The following ZNF407 variants were observed in gnomAD, a reference collection of about 807,000 sequenced individuals.
ZNF407 encodes zinc finger protein 407.
Under a neutral mutation model 131.2 loss-of-function variants are expected in ZNF407, and 17 were observed. That is an observed-to-expected ratio of 0.13 (90% CI 0.09 to 0.19). ZNF407 has a LOEUF of 0.19. Ranked by LOEUF, ZNF407 falls within the 10% of genes least tolerant of loss-of-function variation. The pLI, the probability that ZNF407 is intolerant of heterozygous loss-of-function variation, is 1.00. For missense variants in ZNF407, 2,681 were observed against 2,830.6 expected, an observed-to-expected ratio of 0.95 and a Z score of 1.20; for synonymous variants, 1,156 against 1,062.0, an observed-to-expected ratio of 1.09 and a Z score of -1.72.
At chr18:74,962,613 A>G (rs938773008) in intron 8 of ZNF407, among the ~76,000 whole-genome samples, 11 of 152,192 alleles carry the variant, frequency 7.2e-5, no homozygotes, top group African/African-American at 2.7e-4. Context: ...TATACGCCAA[A>G]TATGCCATGC....
At chr18:74,934,468 G>A (rs1292026586) in intron 8 of ZNF407, among the ~76,000 whole-genome samples, 1 of 152,132 alleles carries the variant, frequency 6.6e-6, no homozygotes, top group Non-Finnish European at 1.5e-5. Flanking sequence ...AAACAACATC[G>A]CAAGCTAAAT....
intron 3 of ZNF407, among the ~76,000 whole-genome samples, chr18:74,734,648 AT>A (rs1262351484): frequency 6.6e-6 from 1 of 150,566 alleles, no homozygotes; most frequent in Non-Finnish European, 1.5e-5. Context: ...ATTTTTTAAA[AT>A]TATACCATTT....
At chr18:74,662,011 G>T (rs1471451770) in intron 3 of ZNF407, among the ~76,000 whole-genome samples, 1 of 151,868 alleles carries the variant, frequency 6.6e-6, no homozygotes, top group Non-Finnish European at 1.5e-5. Flanking sequence ...CCTGCCATGC[G>T]GTGTCTGTGC....
chr18:74,971,710 T>G (rs1599271357), intron 8 of ZNF407, among the ~76,000 whole-genome samples: 1 of 152,218 alleles, frequency 6.6e-6, no homozygotes. Flanking sequence ...TTTCCCGTCT[T>G]TTTCTGAGCT....
chr18:74,660,166 T>A (rs1985650889), intron 3 of ZNF407, among the ~76,000 whole-genome samples: 1 of 152,090 alleles, frequency 6.6e-6, no homozygotes, highest in African/African-American at 2.4e-5. Context: ...CATCTGATGA[T>A]TTGCATATGG....
At chr18:74,969,239 A>G (rs886637329) in intron 8 of ZNF407, among the ~76,000 whole-genome samples, 1 of 152,162 alleles carries the variant, frequency 6.6e-6, no homozygotes, top group African/African-American at 2.4e-5. Flanking sequence ...GGCTTTCTCC[A>G]GCATCTGATT....
In ZNF407 at chr18:75,005,788, TAAGG is replaced by T. The variant is rs1420392044; in HGVS notation, c.5429-57358_5429-57355del. ...AGTATCCTTCAGTAAGCTGGAAACT[TAAGG>T]AAGTATCAAATCCCCACCCTCCTGG... On this transcript the variant is annotated intron_variant, in intron 8 of 8. Coordinates refer to ENST00000299687, the MANE Select transcript of ZNF407 (RefSeq NM_017757.3). Among the ~76,000 whole-genome samples, 937 of 142,356 alleles carry T rather than the reference TAAGG, an allele frequency of 6.6e-3. 36 individuals are homozygous for T. The East Asian group carries it at 0.13, about 19-fold the overall frequency. 93.4% of individuals were successfully genotyped at this position (142,356 alleles called of 152,430 possible). A position where few individuals can be genotyped will look rare whatever the true frequency, so the allele number is the denominator to read the frequency against.
At chr18:74,896,323 A>C (rs1444065424) in intron 7 of ZNF407, among the ~76,000 whole-genome samples, 1 of 152,218 alleles carries the variant, frequency 6.6e-6, no homozygotes, top group African/African-American at 2.4e-5. Context: ...CCTCAAGTCT[A>C]TATGTCTTTA....
At chr18:74,908,550 C>T (rs1971626425) in intron 7 of ZNF407, among the ~76,000 whole-genome samples, 1 of 152,140 alleles carries the variant, frequency 6.6e-6, no homozygotes, top group African/African-American at 2.4e-5. Context: ...CTCCAAATGA[C>T]ATGCATCTAT....
At chr18:74,887,433 A>C (rs1469297001) in intron 6 of ZNF407, among the ~76,000 whole-genome samples, 1 of 152,140 alleles carries the variant, frequency 6.6e-6, no homozygotes, top group Non-Finnish European at 1.5e-5. Context: ...TCAGATTTTT[A>C]CTCTGCTTGG....
intron 3 of ZNF407, among the ~76,000 whole-genome samples, chr18:74,735,122 G>T (rs182293639): frequency 1.3e-4 from 20 of 152,254 alleles, no homozygotes; most frequent in African/African-American, 4.6e-4. Context: ...TAAAACAATT[G>T]TATTGAAGGA....
chr18:74,758,715 C>T (rs1025455430), intron 3 of ZNF407, among the ~76,000 whole-genome samples: 6 of 152,068 alleles, frequency 3.9e-5, no homozygotes, highest in Non-Finnish European at 7.4e-5. Context: ...CTCAGCCTTC[C>T]TGGTAGCTCA....
intron 3 of ZNF407, among the ~76,000 whole-genome samples, chr18:74,717,672 T>A (rs1182458196): frequency 6.6e-6 from 1 of 150,388 alleles, no homozygotes; most frequent in African/African-American, 2.4e-5. Context: ...CTAGAAACTT[T>A]AAAAAAAATG....
At chr18:74,782,354 T>G (rs1008600421) in intron 4 of ZNF407, among the ~76,000 whole-genome samples, 1 of 152,212 alleles carries the variant, frequency 6.6e-6, no homozygotes, top group Non-Finnish European at 1.5e-5. Context: ...TTGTAAATGT[T>G]TAATAGTCTT....
rs1305785544 is a variant in ZNF407 at position 74,635,440 on chromosome 18, C to G, written c.4421C>G (p.Ala1474Gly). The G allele has an allele frequency of 2.5e-6, 4 of 1,613,576 alleles. No homozygotes were observed. Among genetic ancestry groups the G allele is most frequent in the African/African-American group, 1.3e-5 (1 of 75,040 alleles). The change falls in exon 2 of 9, where the codon GCC becomes GGC. Residue 1474 changes from alanine to glycine, a missense_variant. Ala to Gly is a moderately conservative substitution (Grantham distance 60, BLOSUM62 0). This residue lies in a region of ZNF407 where 213 missense variants were observed against 332.2 expected (regional missense o/e 0.64). Coordinates refer to ENST00000299687, the MANE Select transcript of ZNF407 (RefSeq NM_017757.3). The surrounding 1 kb of genome is among the most constrained non-coding windows in gnomAD (Gnocchi z 4.7). The stretch of plus-strand genomic sequence containing the variant: ...GCCGGCCACATGAGAAATGAGCAGG[C>G]CAGTGTGGAGGAGCTTCCGGAGGGA... The part of the protein sequence containing the change: ...ASAGHMRNEQ[A>G]SVEELPEGGA...
chr18:74,844,813 G>A (rs1970680884), intron 4 of ZNF407, among the ~76,000 whole-genome samples: 1 of 152,174 alleles, frequency 6.6e-6, no homozygotes, highest in South Asian at 2.1e-4. Flanking sequence ...TGCCATGATA[G>A]GGTTTTGAAA....
intron 4 of ZNF407, among the ~76,000 whole-genome samples, chr18:74,824,027 G>A (rs1970376759): frequency 6.6e-6 from 1 of 152,094 alleles, no homozygotes; most frequent in Non-Finnish European, 1.5e-5. Context: ...AGACCACAGT[G>A]GAATCGAATT....
At chr18:74,776,859 T>C (rs543308931) in intron 3 of ZNF407, among the ~76,000 whole-genome samples, 9 of 152,318 alleles carry the variant, frequency 5.9e-5, no homozygotes, top group Admixed American at 5.9e-4. Context: ...AAGATAATCA[T>C]AGGGAAGAAA....
chr18:74,779,109 A>ATATATATATTTTT (rs397943457), intron 3 of ZNF407, among the ~76,000 whole-genome samples: 6 of 24,378 alleles, frequency 2.5e-4, no homozygotes, highest in Admixed American at 9.3e-4. Context: ...ATATATATAT[A>ATATATATATTTTT]TTTTTTTTTT....
Sources: allele counts gnomAD v4.1 joint callset (sites outside exome capture counted in the v4.1 genomes callset), GRCh38; gene constraint gnomAD v4.1.1; regional missense constraint gnomAD v4.1.1; non-coding constraint Gnocchi (gnomAD v3.1); transcripts MANE v1.5; gene names NCBI Gene and HGNC (gene_info 2026-07-23, HGNC 2026-07-21).